Variants in RBFOX3 observed in about 807,000 individuals in gnomAD.
RBFOX3 encodes RNA binding fox-1 homolog 3.
A neutral mutation model predicts 48.7 loss-of-function variants in RBFOX3; 17 were observed. The ratio of observed to expected loss-of-function variants is 0.35; its 90% confidence interval spans 0.24 to 0.52. The LOEUF (loss-of-function observed/expected upper bound fraction) is 0.52, where lower values mean the gene tolerates loss of function less well. RBFOX3 is among the 20% of genes least tolerant of loss of function. The probability of loss-of-function intolerance (pLI) is 0.94; values close to 1 mark genes in which losing one functional copy is unlikely to be tolerated. For missense variants in RBFOX3, 382 were observed against 497.5 expected (o/e 0.77, Z 2.21); for synonymous variants, 212 against 209.5 (o/e 1.01, Z -0.10).
intron 1 of RBFOX3, among the ~76,000 whole-genome samples, chr17:79,546,916 C>T (rs1027521835): frequency 1.2e-4 from 18 of 151,862 alleles, no homozygotes; most frequent in South Asian, 2.1e-4. Flanking sequence ...GTGATCCACC[C>T]GCCTCAGCCT....
chr17:79,379,181 A>G (rs1443606463), intron 2 of RBFOX3, among the ~76,000 whole-genome samples: 1 of 152,176 alleles, frequency 6.6e-6, no homozygotes, highest in Admixed American at 6.5e-5. Context: ...TGAGCCAGCC[A>G]TGCGCTTGCT....
intron 2 of RBFOX3, among the ~76,000 whole-genome samples, chr17:79,324,984 G>A (rs758072901): frequency 6.6e-6 from 1 of 152,250 alleles, no homozygotes; most frequent in Non-Finnish European, 1.5e-5. Context: ...AAGCAGGAGG[G>A]TGTCTAGGAA....
In RBFOX3 at chr17:79,299,632, C is replaced by T. The variant is rs2074989912; in HGVS notation, c.-74+8092G>A. 1.3e-5 allele frequency among the ~76,000 whole-genome samples: 2 copies of T among 152,092 alleles called. No individual in the cohort carries two copies. Among genetic ancestry groups the T allele is most frequent in the South Asian group, 2.1e-4 (1 of 4,828 alleles). On this transcript the variant is annotated intron_variant, in intron 3 of 14. Coordinates refer to ENST00000693108, the MANE Select transcript of RBFOX3 (RefSeq NM_001350451.2). This position sits in a 1 kb window ranked among gnomAD's most constrained non-coding sequence, Gnocchi z 4.5. Reference sequence around the variant, plus strand: ...GATCGTGGGGTTTTTGGAACTAACCCCCTGAGGATACCAACGGACAACTGT... The same window carrying T: ...GATCGTGGGGTTTTTGGAACTAACCTCCTGAGGATACCAACGGACAACTGT...
intron 1 of RBFOX3, among the ~76,000 whole-genome samples, chr17:79,491,913 C>G (rs1188245396): frequency 6.6e-6 from 1 of 152,090 alleles, no homozygotes; most frequent in Non-Finnish European, 1.5e-5. Context: ...AACCCTGTCT[C>G]TACTAAAAAA....
chr17:79,314,135 G>C (rs1303525466), intron 2 of RBFOX3, among the ~76,000 whole-genome samples: 5 of 152,184 alleles, frequency 3.3e-5, no homozygotes, highest in Non-Finnish European at 7.3e-5. Context: ...AAAAGTTTCT[G>C]AATGGGTCAC....
At chr17:79,211,689 G>A (rs961524148) in intron 4 of RBFOX3, among the ~76,000 whole-genome samples, 5 of 152,152 alleles carry the variant, frequency 3.3e-5, no homozygotes, top group Admixed American at 6.5e-5. Flanking sequence ...CCCAGGCTCC[G>A]GCAGGGCTGT....
At chr17:79,636,359 G>A in the RBFOX3 span, among the ~76,000 whole-genome samples, 1 of 151,836 alleles carries the variant, frequency 6.6e-6, no homozygotes, top group Non-Finnish European at 1.5e-5. Context: ...TTTACTGCTG[G>A]GCCATGGGAA....
At chr17:79,533,314 T>G (rs1468714171) in intron 1 of RBFOX3, among the ~76,000 whole-genome samples, 2 of 152,052 alleles carry the variant, frequency 1.3e-5, no homozygotes, top group African/African-American at 4.8e-5. Flanking sequence ...TCGAAAATCC[T>G]CCCAAGCCTA....
At chr17:79,090,911 C>A in intron 14 of RBFOX3, 26 bp from the exon 15 acceptor site, 3 of 1,519,854 alleles carry the variant, frequency 2.0e-6, no homozygotes, top group Non-Finnish European at 2.6e-6. Context: ...AAAGGCAGGA[C>A]TTGCAGCTTC....
rs141299183 is a variant in RBFOX3, at chr17:79,112,625, G to A, written c.222+2869C>T. On this transcript the variant is annotated intron_variant, in intron 5 of 14. Coordinates refer to ENST00000693108, the MANE Select transcript of RBFOX3 (RefSeq NM_001350451.2). Reference sequence around the variant, plus strand: ...CTAGAACGGAACAGGCTGCCTGTGTGGGCCCCCGGGCCTGGACAGGACCCT... The same window carrying A: ...CTAGAACGGAACAGGCTGCCTGTGTAGGCCCCCGGGCCTGGACAGGACCCT... Among the ~76,000 whole-genome samples the A allele has an allele frequency of 4.2e-3, 644 of 152,170 alleles. 3 individuals carry two copies. The highest frequency in any genetic ancestry group is 0.014 in the Middle Eastern group (4 of 294).
At position 79,575,789 on chromosome 17, in the gene RBFOX3, C is replaced by A. The variant is rs978255160; in HGVS notation, c.-320+35037G>T. Among the ~76,000 whole-genome samples the A allele has an allele frequency of 2.0e-4, 30 of 152,332 alleles. No homozygotes were observed. The South Asian group carries it at 6.0e-3, about 31-fold the overall frequency. On this transcript the variant is annotated intron_variant, in intron 1 of 14. Transcript: ENST00000693108. The stretch of plus-strand genomic sequence containing the variant: ...AGAGCAAATCTAGCCCTAGGCCCAA[C>A]ACATGCTATTTTTAGTCTGGCCCCT...
chr17:79,453,978 T>G (rs1555743193), intron 2 of RBFOX3, among the ~76,000 whole-genome samples: 1 of 152,102 alleles, frequency 6.6e-6, no homozygotes, highest in Admixed American at 6.5e-5. Context: ...CGGTGCTAGG[T>G]GCCATGTGCC....
At chr17:79,642,909 A>C in the RBFOX3 span, among the ~76,000 whole-genome samples, 1 of 152,210 alleles carries the variant, frequency 6.6e-6, no homozygotes, top group African/African-American at 2.4e-5. Context: ...GCTTAAAATG[A>C]GCCTGAGCAA....
chr17:79,090,771 T>C lies in RBFOX3; in HGVS notation c.*112A>G. 2 of 1,341,026 alleles carry C rather than the reference T, an allele frequency of 1.5e-6. No individual in the cohort carries two copies. The highest frequency in any genetic ancestry group is 2.0e-6 in the Non-Finnish European group (2 of 992,270). The allele number at this position is 1,341,026 out of a possible 1,614,324, so 83.1% of individuals were successfully genotyped here. On this transcript the variant is annotated 3_prime_UTR_variant, in exon 15 of 15. Coordinates refer to ENST00000693108, the MANE Select transcript of RBFOX3 (RefSeq NM_001350451.2). The stretch of plus-strand genomic sequence containing the variant: ...TTGGATGCCTCTTGGTTTGGTTGGT[T>C]TTTTTTTTGTTGCTTGGATCTTAAC...
At chr17:79,581,762 T>C (rs1173983523) in intron 1 of RBFOX3, among the ~76,000 whole-genome samples, 1 of 152,262 alleles carries the variant, frequency 6.6e-6, no homozygotes, top group Non-Finnish European at 1.5e-5. Context: ...CACCTCTTGC[T>C]GTTCCAAGGA....
At position 79,242,089 on chromosome 17, in the gene RBFOX3, C is replaced by T. The variant is rs1026193837; in HGVS notation, c.-73-6284G>A. Reference sequence around the variant, plus strand: ...TAAATGTGCAGTGACGGTGCTTGGACCTAGTTTATGGTCAGAGTAGATTTA... The same window carrying T: ...TAAATGTGCAGTGACGGTGCTTGGATCTAGTTTATGGTCAGAGTAGATTTA... On this transcript the variant is annotated intron_variant, in intron 3 of 14. Coordinates refer to ENST00000693108, the MANE Select transcript of RBFOX3 (RefSeq NM_001350451.2). This position sits in a 1 kb window ranked among gnomAD's most constrained non-coding sequence, Gnocchi z 5.8. Among the ~76,000 whole-genome samples, 2 of 152,184 alleles carry T rather than the reference C, an allele frequency of 1.3e-5. No individual in the cohort carries two copies. The highest frequency in any genetic ancestry group is 3.9e-4 in the East Asian group (2 of 5,194).
chr17:79,559,998 A>C (rs977473566), intron 1 of RBFOX3, among the ~76,000 whole-genome samples: 3 of 117,608 alleles, frequency 2.6e-5, no homozygotes, highest in African/African-American at 9.8e-5. Flanking sequence ...TGAACAGTGG[A>C]TGGGTGGAAG....
intron 4 of RBFOX3, among the ~76,000 whole-genome samples, chr17:79,192,336 C>T (rs577910672): frequency 3.3e-5 from 5 of 152,302 alleles, no homozygotes; most frequent in Non-Finnish European, 7.4e-5. Flanking sequence ...TCTGTTCCTG[C>T]TCTTACTTCC....
intron 4 of RBFOX3, among the ~76,000 whole-genome samples, chr17:79,202,757 T>C (rs1256209503): frequency 6.6e-6 from 1 of 152,240 alleles, no homozygotes; most frequent in African/African-American, 2.4e-5. Context: ...CTGCCCGCCC[T>C]GGGGCTCTTC....
Sources: allele counts gnomAD v4.1 joint callset (sites outside exome capture counted in the v4.1 genomes callset), GRCh38; gene constraint gnomAD v4.1.1; non-coding constraint Gnocchi (gnomAD v3.1); transcripts MANE v1.5; gene names NCBI Gene and HGNC (gene_info 2026-07-23, HGNC 2026-07-21).